TBC1D1: variants seen among roughly 807,000 people sequenced by gnomAD.
The protein encoded by TBC1D1 is TBC1 domain family member 1.
TBC1D1 carries 89 observed loss-of-function variants against 125.6 expected under a neutral mutation model. The ratio of observed to expected loss-of-function variants is 0.71; its 90% CI spans 0.60 to 0.85. TBC1D1 has a LOEUF of 0.85. TBC1D1 is among the 40% of genes least tolerant of loss of function. TBC1D1 has a pLI of 0.00. For synonymous variants in TBC1D1, 565 were observed against 564.1 expected (o/e 1.00, Z -0.02); for missense variants, 1,377 against 1,469.2 (o/e 0.94, Z 1.03).
chr4:38,132,047 T>C (rs919095424), intron 18 of TBC1D1, among the ~76,000 whole-genome samples: 1 of 152,228 alleles, frequency 6.6e-6, no homozygotes, highest in African/African-American at 2.4e-5. Flanking sequence ...TGAATGCCAG[T>C]AGGGAGCCAT....
chr4:38,077,512 C>T (rs558274388), intron 12 of TBC1D1, among the ~76,000 whole-genome samples: 1 of 152,068 alleles, frequency 6.6e-6, no homozygotes, highest in Admixed American at 6.5e-5. Flanking sequence ...CTTTTCTATC[C>T]CAAGCTTAAT....
chr4:38,057,140 T>C (rs1751868472), intron 12 of TBC1D1, among the ~76,000 whole-genome samples: 1 of 152,110 alleles, frequency 6.6e-6, no homozygotes, highest in South Asian at 2.1e-4. Flanking sequence ...CAGGAAGATG[T>C]CTAGAGACCC....
chr4:38,039,852 G>C (rs994763775), intron 8 of TBC1D1, among the ~76,000 whole-genome samples: 1 of 152,098 alleles, frequency 6.6e-6, no homozygotes. Flanking sequence ...GGTGGCTCAC[G>C]CCTGTAATCC....
chr4:37,916,721 G>C (rs998443481), intron 2 of TBC1D1, among the ~76,000 whole-genome samples: 1 of 152,102 alleles, frequency 6.6e-6, no homozygotes, highest in African/African-American at 2.4e-5. Context: ...TTTTAACAAC[G>C]GGAGGGCTGA....
chr4:37,913,693 A>G (rs1719107903), intron 2 of TBC1D1, among the ~76,000 whole-genome samples: 1 of 150,934 alleles, frequency 6.6e-6, no homozygotes, highest in African/African-American at 2.4e-5. Context: ...TCACCCTCCG[A>G]TGACCCCACA....
At chr4:38,007,265 T>C (rs944813840) in intron 2 of TBC1D1, among the ~76,000 whole-genome samples, 1 of 152,056 alleles carries the variant, frequency 6.6e-6, no homozygotes, top group African/African-American at 2.4e-5. Flanking sequence ...ATTATTATTA[T>C]TTTTTGAGAC....
rs1054284919 is a variant in TBC1D1, at chr4:37,995,274, C to T, written c.418-19235C>T. Among the ~76,000 whole-genome samples, 5 of 152,190 alleles carry T rather than the reference C, an allele frequency of 3.3e-5. No individual in the cohort carries two copies. The highest frequency in any genetic ancestry group is 5.9e-5 in the Non-Finnish European group (4 of 68,028). On this transcript the variant is annotated intron_variant, in intron 2 of 19. Transcript: ENST00000261439. The surrounding 1 kb of genome is among the most constrained non-coding windows in gnomAD (Gnocchi z 4.3). ...TTAGCAGAGGGTTAGGCACTGGCTA[C>T]GAATTCAGACTTGGAAACTTCGTTG...
intron 2 of TBC1D1, among the ~76,000 whole-genome samples, chr4:37,997,800 A>AT (rs199703834): frequency 1.3e-5 from 2 of 151,584 alleles, no homozygotes; most frequent in Non-Finnish European, 2.9e-5. Flanking sequence ...TTAAAAGAGA[A>AT]TTTTTTGCCA....
At chr4:38,070,721 A>G (rs1754562431) in intron 12 of TBC1D1, among the ~76,000 whole-genome samples, 1 of 152,242 alleles carries the variant, frequency 6.6e-6, no homozygotes, top group Admixed American at 6.5e-5. Flanking sequence ...GAGCATTGAT[A>G]TTCTACAGAA....
At chr4:37,994,830 C>G (rs1168140971) in intron 2 of TBC1D1, among the ~76,000 whole-genome samples, 1 of 152,148 alleles carries the variant, frequency 6.6e-6, no homozygotes, top group Non-Finnish European at 1.5e-5. Flanking sequence ...GTTCTCCAGG[C>G]CATTCTGCTG....
chr4:37,987,115 AACATCG>A (rs1428073702), intron 2 of TBC1D1, among the ~76,000 whole-genome samples: 1 of 152,208 alleles, frequency 6.6e-6, no homozygotes, highest in Non-Finnish European at 1.5e-5. Flanking sequence ...TGCTCAGAAA[AACATCG>A]ACTGCAAATG....
chr4:37,901,589 G>C (rs1716012329), intron 1 of TBC1D1, among the ~76,000 whole-genome samples: 1 of 95,526 alleles, frequency 1.0e-5, no homozygotes, highest in Non-Finnish European at 2.4e-5. Context: ...ATGGAAGGTG[G>C]ATTTGTGATT....
rs762518486 is a variant in TBC1D1 at position 37,902,518 on chromosome 4, T to C, written c.417+6T>C. 6.3e-7 allele frequency: 1 copy of C among 1,581,468 alleles called. No individual in the cohort carries two copies. The highest frequency in any genetic ancestry group is 1.3e-5 in the African/African-American group (1 of 74,212). On this transcript the variant is annotated splice_donor_region_variant and intron_variant, in intron 2 of 19. Transcript: ENST00000261439. ...AAGCCGATGATCAAACAAAAGTAAG[T>C]GAGATGGAGATCCAAAAGACTAAGG...
intron 18 of TBC1D1, among the ~76,000 whole-genome samples, chr4:38,132,383 C>T (rs1308125631): frequency 6.6e-6 from 1 of 152,198 alleles, no homozygotes; most frequent in African/African-American, 2.4e-5. Context: ...CCCTGCCTTC[C>T]TTACCAAGAG....
intron 2 of TBC1D1, among the ~76,000 whole-genome samples, chr4:37,965,173 A>T (rs1230207163): frequency 1.3e-5 from 2 of 152,232 alleles, no homozygotes; most frequent in African/African-American, 4.8e-5. Context: ...GCTGTGAAGT[A>T]AAGTGGTTAA....
At chr4:38,087,240 T>G (rs1485269032) in intron 12 of TBC1D1, among the ~76,000 whole-genome samples, 1 of 152,236 alleles carries the variant, frequency 6.6e-6, no homozygotes, top group Non-Finnish European at 1.5e-5. Context: ...ACTTGTATTT[T>G]TGCAGATCCA....
At chr4:38,067,667 T>G (rs1163328133) in intron 12 of TBC1D1, among the ~76,000 whole-genome samples, 1 of 152,228 alleles carries the variant, frequency 6.6e-6, no homozygotes, top group African/African-American at 2.4e-5. Flanking sequence ...CAGTTCTTCA[T>G]TCTCCGTCAG....
intron 2 of TBC1D1, among the ~76,000 whole-genome samples, chr4:37,970,211 C>T (rs1278315887): frequency 1.3e-5 from 2 of 152,170 alleles, no homozygotes; most frequent in African/African-American, 4.8e-5. Context: ...CATTCATGGA[C>T]ACATTTTTAC....
At chr4:38,052,741 CACACACACACACACACACACACAG>C (rs985083660) in intron 11 of TBC1D1, among the ~76,000 whole-genome samples, 9 of 147,082 alleles carry the variant, frequency 6.1e-5, no homozygotes, top group African/African-American at 2.1e-4. Context: ...CACACACACA[CACACACACACACACACACACACAG>C]GATAACATCT....
Sources: allele counts gnomAD v4.1 joint callset (sites outside exome capture counted in the v4.1 genomes callset), GRCh38; gene constraint gnomAD v4.1.1; non-coding constraint Gnocchi (gnomAD v3.1); transcripts MANE v1.5; gene names NCBI Gene and HGNC (gene_info 2026-07-23, HGNC 2026-07-21).